Variants in FOXN3 observed in about 807,000 individuals in gnomAD.
FOXN3 encodes the protein forkhead box N3.
Under a neutral mutation model 38.4 loss-of-function variants are expected in FOXN3, and 7 were observed. The ratio of observed to expected loss-of-function variants is 0.18; its 90% CI spans 0.10 to 0.34. The LOEUF (loss-of-function observed/expected upper bound fraction) is 0.34. Among genes scored for constraint, FOXN3 ranks in the 10% least tolerant of loss-of-function variants. FOXN3 has a pLI of 1.00. For missense variants in FOXN3, 456 were observed against 613.4 expected (o/e 0.74, Z 2.71); for synonymous variants, 230 against 242.2 (o/e 0.95, Z 0.47).
At chr14:89,276,509 A>T (rs1298999662) in intron 4 of FOXN3, among the ~76,000 whole-genome samples, 1 of 148,852 alleles carries the variant, frequency 6.7e-6, no homozygotes, top group Non-Finnish European at 1.5e-5. Context: ...ATCTGTGCTG[A>T]GAGTGGCTGG....
chr14:89,511,189 C>CTTTCT (rs1566680988), intron 1 of FOXN3, among the ~76,000 whole-genome samples: 2 of 14,224 alleles, frequency 1.4e-4, no homozygotes, highest in African/African-American at 2.3e-4. Flanking sequence ...TTCTTTCTTT[C>CTTTCT]TTTTCTTTCT....
intron 3 of FOXN3, among the ~76,000 whole-genome samples, chr14:89,314,367 G>T (rs1887662036): frequency 6.6e-6 from 1 of 152,060 alleles, no homozygotes; most frequent in South Asian, 2.1e-4. Flanking sequence ...TCAGGAGTGT[G>T]GGTCTTTGGC....
intron 4 of FOXN3, among the ~76,000 whole-genome samples, chr14:89,222,611 C>A (rs931707344): frequency 1.3e-5 from 2 of 152,106 alleles, no homozygotes; most frequent in African/African-American, 4.8e-5. Context: ...CACAGACACC[C>A]AGCCGAGCTC....
intron 3 of FOXN3, among the ~76,000 whole-genome samples, chr14:89,296,464 ACTC>A (rs1887043460): frequency 6.6e-6 from 1 of 152,118 alleles, no homozygotes; most frequent in Non-Finnish European, 1.5e-5. Context: ...TAAGAAAACT[ACTC>A]CTTTTAGATG....
chr14:89,245,874 C>T (rs1254900466), intron 4 of FOXN3, among the ~76,000 whole-genome samples: 1 of 152,098 alleles, frequency 6.6e-6, no homozygotes, highest in Non-Finnish European at 1.5e-5. Context: ...CATCTGGCAT[C>T]CCCCAGACCC....
intron 1 of FOXN3, among the ~76,000 whole-genome samples, chr14:89,605,630 A>G (rs1322681452): frequency 6.6e-6 from 1 of 152,188 alleles, no homozygotes; most frequent in East Asian, 1.9e-4. Context: ...CTACATTTGT[A>G]CATGTCATAT....
intron 1 of FOXN3, among the ~76,000 whole-genome samples, chr14:89,543,461 AAAAC>A (rs1398976721): frequency 1.3e-5 from 2 of 152,190 alleles, no homozygotes; most frequent in Non-Finnish European, 2.9e-5. Flanking sequence ...TAAAAAAACA[AAAAC>A]AAAAAAACCC....
chr14:89,449,280 A>C (rs7151817), intron 1 of FOXN3, among the ~76,000 whole-genome samples: 55,957 of 152,064 alleles, frequency 0.37, 10,627 homozygotes, highest in Admixed American at 0.45. Context: ...AACCTTCTGA[A>C]CCATCTGTGA....
intron 2 of FOXN3, among the ~76,000 whole-genome samples, chr14:89,378,147 G>A (rs1890536770): frequency 6.6e-6 from 1 of 152,098 alleles, no homozygotes; most frequent in South Asian, 2.1e-4. Flanking sequence ...AGCAAAAGGA[G>A]AAAGATGGTT....
chr14:89,291,706 T>C (rs2139934724), intron 3 of FOXN3: 1 of 380,896 alleles, frequency 2.6e-6, no homozygotes, highest in South Asian at 2.2e-5. Context: ...TGAAGTTTCA[T>C]CACATTCCCC....
Position 89,412,362 on chromosome 14 carries a change from C to T in FOXN3, c.115G>A (p.Asp39Asn), listed in dbSNP as rs777946342. 7 of 1,614,164 alleles carry T rather than the reference C, an allele frequency of 4.3e-6. No individual in the cohort carries two copies. Among genetic ancestry groups the T allele is most frequent in the Non-Finnish European group, 8.5e-7 (1 of 1,180,026 alleles). Residue 39 changes from aspartate to asparagine, a missense_variant, in exon 2 of 6, where the codon GAT becomes AAT. Physicochemically the swap from Asp to Asn is conservative, Grantham distance 23. Transcript: ENST00000557258. This position sits in a 1 kb window ranked among gnomAD's most constrained non-coding sequence, Gnocchi z 4.7. The part of the protein sequence containing the change: ...SGFSKALQED[D>N]DLDFSLPDIR... ...TCAGGCAGAGAAAAGTCGAGGTCATCGTCTTCCTGAAGGGCCTTGGAGAAA... is the reference window on the plus strand; with the variant it reads ...TCAGGCAGAGAAAAGTCGAGGTCATTGTCTTCCTGAAGGGCCTTGGAGAAA...
At chr14:89,215,637 G>C (rs986513701) in intron 4 of FOXN3, among the ~76,000 whole-genome samples, 1 of 152,164 alleles carries the variant, frequency 6.6e-6, no homozygotes. Context: ...AAAGTCAGTT[G>C]TTTCTGGAAG....
chr14:89,423,536 G>C (rs1314099818), intron 1 of FOXN3, among the ~76,000 whole-genome samples: 3 of 151,826 alleles, frequency 2.0e-5, no homozygotes, highest in Non-Finnish European at 4.4e-5. Context: ...GATGAAAACA[G>C]GGTTAATATT....
chr14:89,377,519 G>A (rs1330146341), intron 2 of FOXN3, among the ~76,000 whole-genome samples: 3 of 151,898 alleles, frequency 2.0e-5, no homozygotes, highest in African/African-American at 7.3e-5. Flanking sequence ...CTAAAACTTT[G>A]TTTTCATCAG....
Position 89,595,065 on chromosome 14 carries a change from C to T in FOXN3, c.-15+23963G>A, listed in dbSNP as rs527435830. On this transcript the variant is annotated intron_variant, in intron 1 of 6. Transcript: ENST00000345097. ...GGCGCAGTGGCTCACGCCTGTAATC[C>T]CAGCACTTTGGGAGGCCGAGGCGGG... is the stretch of plus-strand genomic sequence containing the variant. Among the ~76,000 whole-genome samples the T allele has an allele frequency of 3.2e-3, 490 of 152,048 alleles. 2 individuals are homozygous for T. The highest frequency in any genetic ancestry group is 5.6e-3 in the Non-Finnish European group (381 of 67,998).
chr14:89,559,403 C>A (rs984558729), intron 1 of FOXN3, among the ~76,000 whole-genome samples: 1 of 151,900 alleles, frequency 6.6e-6, no homozygotes, highest in Admixed American at 6.6e-5. Context: ...TAAGGCCGGG[C>A]GTGGTGGCTC....
At chr14:89,237,823 T>C (rs1037459878) in intron 4 of FOXN3, among the ~76,000 whole-genome samples, 16 of 152,266 alleles carry the variant, frequency 1.1e-4, no homozygotes, top group African/African-American at 3.9e-4. Context: ...CATAGCTGTA[T>C]GATACTACAT....
Position 89,232,601 on chromosome 14 carries a change from A to G in FOXN3, c.745+48349T>C, listed in dbSNP as rs140873143. The stretch of plus-strand genomic sequence containing the variant: ...TGAGCAGCCCAGAGTTGTGCAAACC[A>G]TTTTTCAATATTGGTTTAACTAATC... On this transcript the variant is annotated intron_variant, in intron 4 of 5. Transcript: ENST00000557258. Among the ~76,000 whole-genome samples, 171 of 152,220 alleles carry G rather than the reference A, an allele frequency of 1.1e-3. 2 individuals are homozygous for G. The highest frequency in any genetic ancestry group is 3.7e-3 in the African/African-American group (154 of 41,544).
intron 2 of FOXN3, among the ~76,000 whole-genome samples, chr14:89,398,980 A>T (rs1891173974): frequency 1.3e-5 from 2 of 152,232 alleles, no homozygotes; most frequent in African/African-American, 2.4e-5. Context: ...GTAAAACTTC[A>T]TCTCAAATCA....
Sources: allele counts gnomAD v4.1 joint callset (sites outside exome capture counted in the v4.1 genomes callset), GRCh38; gene constraint gnomAD v4.1.1; non-coding constraint Gnocchi (gnomAD v3.1); transcripts MANE v1.5; gene names NCBI Gene and HGNC (gene_info 2026-07-23, HGNC 2026-07-21).